Variants in DHX35 observed in about 807,000 individuals in gnomAD.
DHX35 encodes the protein DEAH-box helicase 35, also known as probable ATP-dependent RNA helicase DHX35.
Under a neutral mutation model 99.6 loss-of-function variants are expected in DHX35, and 84 were observed. That is an observed-to-expected ratio of 0.84 (90% CI 0.71 to 1.01). The LOEUF (loss-of-function observed/expected upper bound fraction) is 1.01, where lower values mean the gene tolerates loss of function less well. DHX35 is among the 50% of genes least tolerant of loss of function. The probability of loss-of-function intolerance (pLI) is 0.00; values close to 1 mark genes in which losing one functional copy is unlikely to be tolerated. For synonymous variants in DHX35, 331 were observed against 316.2 expected (o/e 1.05, Z -0.50); for missense variants, 852 against 888.5 (o/e 0.96, Z 0.52).
At chr20:39,024,051 C>T (rs542989873) in intron 17 of DHX35, among the ~76,000 whole-genome samples, 1 of 152,338 alleles carries the variant, frequency 6.6e-6, no homozygotes, top group South Asian at 2.1e-4. Flanking sequence ...CGTCATCTCA[C>T]ATCCACTGTG....
At chr20:39,026,248 T>C (rs1323353184) in intron 18 of DHX35, among the ~76,000 whole-genome samples, 2 of 152,198 alleles carry the variant, frequency 1.3e-5, no homozygotes, top group African/African-American at 4.8e-5. Flanking sequence ...CGTGTGCTCT[T>C]TTCCCCATCT....
At chr20:39,012,378 T>C (rs1268250998) in intron 13 of DHX35, among the ~76,000 whole-genome samples, 1 of 152,178 alleles carries the variant, frequency 6.6e-6, no homozygotes, top group African/African-American at 2.4e-5. Context: ...GAAGAGTTTT[T>C]ATATGCACAT....
rs2087199178 is a variant in DHX35 at position 39,038,831 on chromosome 20, G to T, written c.*288G>T. The T allele has an allele frequency of 2.0e-6, 1 of 489,598 alleles. No homozygotes were observed. The highest frequency in any genetic ancestry group is 2.0e-5 in the African/African-American group (1 of 51,274). The allele number at this position is 489,598 out of a possible 1,614,324, so 30.3% of individuals were successfully genotyped here. A position where few individuals can be genotyped will look rare whatever the true frequency, so the allele number is the denominator to read the frequency against. On this transcript the variant is annotated 3_prime_UTR_variant, in exon 22 of 22. Coordinates refer to ENST00000252011, the MANE Select transcript of DHX35 (RefSeq NM_021931.4). ...TCACTAACCCAGCATGCCACTTCCA[G>T]CAGGCATGCAGTCCTGGCCCAGCTC...
At chr20:38,992,946 A>T (rs1014129799) in intron 7 of DHX35, among the ~76,000 whole-genome samples, 1 of 152,188 alleles carries the variant, frequency 6.6e-6, no homozygotes, top group African/African-American at 2.4e-5. Flanking sequence ...TTAAGGTTTC[A>T]TACATATCCC....
chr20:39,015,061 C>T (rs1568749798), intron 14 of DHX35, 127 bp downstream of exon 14: 1 of 1,045,534 alleles, frequency 9.6e-7, no homozygotes, highest in African/African-American at 1.6e-5. Context: ...TATATATAAT[C>T]CCCCTAATGA....
chr20:38,969,532 T>C (rs1453598817), intron 2 of DHX35, among the ~76,000 whole-genome samples: 1 of 152,210 alleles, frequency 6.6e-6, no homozygotes, highest in Non-Finnish European at 1.5e-5. Context: ...GCAGTTAATT[T>C]CTATATAACA....
Position 38,988,915 on chromosome 20 carries a change from A to G in DHX35, c.448A>G (p.Lys150Glu), listed in dbSNP as rs2086291067. The G allele has an allele frequency of 1.2e-6, 2 of 1,612,186 alleles. No homozygotes were observed. The highest frequency in any genetic ancestry group is 1.7e-6 in the Non-Finnish European group (2 of 1,178,622). The change falls in exon 5 of 22, where the codon AAG (lysine) becomes GAG (glutamate). Residue 150 changes from lysine to glutamate, a missense_variant and splice_region_variant. Transcript: ENST00000252011. The part of the protein sequence containing the change: ...DCTDQLATRI[K>E]FLTDGMLVRE... ...CACCGACCAGCTGGCCACGAGAATTAAGGTAAAGTGCTCAAGCTGCTTTTC... is the reference window on the plus strand; with the variant it reads ...CACCGACCAGCTGGCCACGAGAATTGAGGTAAAGTGCTCAAGCTGCTTTTC...
intron 4 of DHX35, among the ~76,000 whole-genome samples, chr20:38,985,751 A>C (rs1266010139): frequency 6.6e-6 from 1 of 152,212 alleles, no homozygotes; most frequent in African/African-American, 2.4e-5. Flanking sequence ...TTTGCATCTT[A>C]GTTCCAAATT....
chr20:38,993,993 C>A (rs1361359225), intron 7 of DHX35, among the ~76,000 whole-genome samples: 1 of 152,110 alleles, frequency 6.6e-6, no homozygotes, highest in African/African-American at 2.4e-5. Context: ...TTGCTGAAGC[C>A]CCTAGCCCCC....
chr20:38,993,913 T>C (rs772689056), intron 7 of DHX35, among the ~76,000 whole-genome samples: 1 of 152,142 alleles, frequency 6.6e-6, no homozygotes. Context: ...GAGGTTCTTT[T>C]GTGCAAATTA....
intron 11 of DHX35, among the ~76,000 whole-genome samples, chr20:39,004,672 G>A (rs1049090410): frequency 1.3e-5 from 2 of 152,250 alleles, no homozygotes; most frequent in Non-Finnish European, 2.9e-5. Flanking sequence ...GAAGGGTGTG[G>A]TGGAAAGCAT....
In DHX35 at chr20:39,001,796, A is replaced by G. The variant is rs141884441; in HGVS notation, c.709A>G (p.Thr237Ala). The change falls in exon 9 of 22, where the codon ACA (threonine) becomes GCA (alanine). Residue 237 changes from threonine (T) to alanine (A), a missense_variant. Thr to Ala is a moderately conservative substitution (Grantham distance 58). Coordinates refer to ENST00000252011, the MANE Select transcript of DHX35 (RefSeq NM_021931.4). The stretch of plus-strand genomic sequence containing the variant: ...AGCAAGGGATACATGTGTGATCCTT[A>G]CAGTGGAAGGGAGAACATTTCCGGT... ...DPARDTCVIL[T>A]VEGRTFPVDI... 2,283 of 1,613,870 alleles carry G rather than the reference A, an allele frequency of 1.4e-3. 4 individuals carry two copies. The highest frequency in any genetic ancestry group is 1.6e-3 in the Non-Finnish European group (1,894 of 1,179,902).
intron 6 of DHX35, 121 bp from the exon 7 acceptor site, chr20:38,992,235 G>T: frequency 1.3e-6 from 1 of 765,402 alleles, no homozygotes; most frequent in Non-Finnish European, 2.2e-6. Context: ...AGTGACTTAG[G>T]TTTACTTTTG....
In DHX35 at chr20:39,025,377, C is replaced by T. The variant is rs750201721; in HGVS notation, c.1801+18C>T. 9.9e-6 allele frequency: 16 copies of T among 1,610,962 alleles called. No homozygotes were observed. The highest frequency in any genetic ancestry group is 1.4e-5 in the Non-Finnish European group (16 of 1,178,444). ...TAGTGAAGGTGAGAAGAAACCGTCCCAGCTGGTGACCTCCCTTGCTTCATT... is the reference window on the plus strand; with the variant it reads ...TAGTGAAGGTGAGAAGAAACCGTCCTAGCTGGTGACCTCCCTTGCTTCATT... On this transcript the variant is annotated intron_variant, in intron 18 of 21. Coordinates refer to ENST00000252011, the MANE Select transcript of DHX35 (RefSeq NM_021931.4).
rs57246257 is a variant in DHX35 at position 39,020,656 on chromosome 20, C to CTTTTTTTTTTTT, written c.1499-1176_1499-1165dup. On this transcript the variant is annotated intron_variant, in intron 15 of 21. Coordinates refer to ENST00000252011, the MANE Select transcript of DHX35 (RefSeq NM_021931.4). ...CAGCCTTCCATTTAGAAACAGGATT[C>CTTTTTTTTTTTT]TTTTTTTTTTTTTTTTTTTTGAGAC... Among the ~76,000 whole-genome samples, 76 of 105,206 alleles carry CTTTTTTTTTTTT rather than the reference C, an allele frequency of 7.2e-4. 5 individuals carry two copies. The highest frequency in any genetic ancestry group is 1.5e-3 in the East Asian group (5 of 3,240). 69.0% of individuals were successfully genotyped at this position (105,206 alleles called of 152,430 possible). A position where few individuals can be genotyped will look rare whatever the true frequency, so the allele number is the denominator to read the frequency against.
chr20:39,035,437 G>A (rs931659493), intron 21 of DHX35, among the ~76,000 whole-genome samples: 1 of 152,270 alleles, frequency 6.6e-6, no homozygotes, highest in African/African-American at 2.4e-5. Flanking sequence ...TACATATTTT[G>A]CCCAAGTTTA....
chr20:38,997,320 C>T (rs887231744), intron 8 of DHX35, among the ~76,000 whole-genome samples: 2 of 152,146 alleles, frequency 1.3e-5, no homozygotes, highest in Non-Finnish European at 2.9e-5. Context: ...ATCCTCCCGC[C>T]TTGGACTCCC....
intron 19 of DHX35, chr20:39,029,734 GT>G (rs1447005872): frequency 6.6e-6 from 1 of 152,088 alleles, no homozygotes; most frequent in Non-Finnish European, 1.5e-5. Context: ...TTTTATCAGT[GT>G]CCTTAGCAAC....
chr20:39,004,340 C>T (rs1227127249), intron 11 of DHX35, among the ~76,000 whole-genome samples: 3 of 152,216 alleles, frequency 2.0e-5, no homozygotes, highest in East Asian at 1.9e-4. Flanking sequence ...GCTGGGATTA[C>T]AGGCGTCAGC....
Sources: allele counts gnomAD v4.1 joint callset (sites outside exome capture counted in the v4.1 genomes callset), GRCh38; gene constraint gnomAD v4.1.1; transcripts MANE v1.5; gene names NCBI Gene and HGNC (gene_info 2026-07-23, HGNC 2026-07-21).